Variants in NTRK2 observed in about 807,000 individuals in gnomAD.
NTRK2 encodes the protein BDNF/NT-3 growth factors receptor.
In NTRK2, 13 loss-of-function variants were observed where a neutral mutation model predicts 94.5. The ratio of observed to expected loss-of-function variants is 0.14; its 90% CI spans 0.09 to 0.22. The LOEUF (loss-of-function observed/expected upper bound fraction) is 0.22, where lower values mean the gene tolerates loss of function less well. Among genes scored for constraint, NTRK2 ranks in the 10% least tolerant of loss-of-function variants. NTRK2 has a pLI of 1.00. For missense variants in NTRK2, 639 were observed against 1,071.2 expected, an observed-to-expected ratio of 0.60 and a Z score of 5.63; for synonymous variants, 372 against 407.4, an observed-to-expected ratio of 0.91 and a Z score of 1.05.
At chr9:84,845,072 T>G (rs774717277) in intron 12 of NTRK2, among the ~76,000 whole-genome samples, 1 of 152,128 alleles carries the variant, frequency 6.6e-6, no homozygotes, top group Non-Finnish European at 1.5e-5. Flanking sequence ...GAACTAAAAG[T>G]AGAACTACCA....
At chr9:84,870,331 G>GTATATA (rs1158637577) in intron 14 of NTRK2, among the ~76,000 whole-genome samples, 1,893 of 31,146 alleles carry the variant, frequency 0.061, 134 homozygotes, top group Non-Finnish European at 0.094. Context: ...GTGTGTGTGT[G>GTATATA]TATATATATA....
intron 9 of NTRK2, among the ~76,000 whole-genome samples, chr9:84,737,702 T>C (rs941324942): frequency 6.6e-6 from 1 of 151,848 alleles, no homozygotes; most frequent in African/African-American, 2.4e-5. Context: ...CGTGGGTCTA[T>C]TATGTGATGC....
chr9:84,822,426 C>A (rs1406175964), intron 12 of NTRK2, among the ~76,000 whole-genome samples: 1 of 152,064 alleles, frequency 6.6e-6, no homozygotes, highest in Non-Finnish European at 1.5e-5. Flanking sequence ...ATAGATTTTA[C>A]CAAATGTGGG....
chr9:84,757,091 C>G (rs2065148813), intron 12 of NTRK2, among the ~76,000 whole-genome samples: 1 of 152,104 alleles, frequency 6.6e-6, no homozygotes, highest in African/African-American at 2.4e-5. Context: ...GACCAAAAGC[C>G]AGAAACACAG....
At chr9:84,886,819 G>A (rs982588888) in intron 14 of NTRK2, among the ~76,000 whole-genome samples, 1 of 152,132 alleles carries the variant, frequency 6.6e-6, no homozygotes, top group African/African-American at 2.4e-5. Context: ...TTTTCACTGG[G>A]TAATGTAAAA....
chr9:85,000,953 T>C (rs968208635), intron 17 of NTRK2, among the ~76,000 whole-genome samples: 1 of 152,244 alleles, frequency 6.6e-6, no homozygotes, highest in African/African-American at 2.4e-5. Flanking sequence ...ATTTTAGCCA[T>C]TCTAATAGGC....
chr9:85,019,207 C>T (rs72739967), intron 17 of NTRK2, among the ~76,000 whole-genome samples: 23,080 of 152,166 alleles, frequency 0.15, 1,985 homozygotes, highest in Admixed American at 0.25. Flanking sequence ...TGCACCATTA[C>T]TCTATAAACT....
chr9:84,783,915 A>G (rs2067866467), intron 12 of NTRK2, among the ~76,000 whole-genome samples: 1 of 152,160 alleles, frequency 6.6e-6, no homozygotes, highest in Admixed American at 6.5e-5. Flanking sequence ...AGTGTATGCT[A>G]TAGAAAGAAG....
chr9:84,837,900 G>A (rs2073966322), intron 12 of NTRK2, among the ~76,000 whole-genome samples: 1 of 152,092 alleles, frequency 6.6e-6, no homozygotes, highest in Admixed American at 6.6e-5. Flanking sequence ...AATATCTGAA[G>A]CAACACAAGA....
intron 12 of NTRK2, among the ~76,000 whole-genome samples, chr9:84,833,901 G>A (rs951353152): frequency 4.6e-5 from 7 of 152,140 alleles, no homozygotes; most frequent in African/African-American, 1.7e-4. Context: ...AAGTTCCCTG[G>A]GTGATTCCAC....
chr9:84,933,791 C>G (rs2078120886), intron 14 of NTRK2, among the ~76,000 whole-genome samples: 1 of 152,218 alleles, frequency 6.6e-6, no homozygotes, highest in African/African-American at 2.4e-5. Flanking sequence ...CTGCTTTGCC[C>G]TGCTGGACAC....
intron 12 of NTRK2, among the ~76,000 whole-genome samples, chr9:84,793,382 G>A (rs562457971): frequency 9.2e-5 from 14 of 152,128 alleles, no homozygotes; most frequent in Admixed American, 7.2e-4. Flanking sequence ...GATTGCTGTC[G>A]GCATAACCTA....
chr9:84,786,486 G>C (rs2068124471), intron 12 of NTRK2, among the ~76,000 whole-genome samples: 1 of 152,022 alleles, frequency 6.6e-6, no homozygotes, highest in Non-Finnish European at 1.5e-5. Context: ...CTTTGTTCTT[G>C]TTGTTATTTT....
At chr9:84,737,215 T>G (rs2132235386) in intron 9 of NTRK2, among the ~76,000 whole-genome samples, 1 of 152,336 alleles carries the variant, frequency 6.6e-6, no homozygotes, top group Middle Eastern at 3.4e-3. Flanking sequence ...TTTATCTTGT[T>G]AGCAGAATGG....
At chr9:84,985,918 G>T (rs897486740) in intron 17 of NTRK2, among the ~76,000 whole-genome samples, 5 of 152,112 alleles carry the variant, frequency 3.3e-5, no homozygotes, top group Non-Finnish European at 7.4e-5. Flanking sequence ...ATGAGGAGAG[G>T]GTGTGGGAAG....
intron 12 of NTRK2, among the ~76,000 whole-genome samples, chr9:84,836,001 A>G (rs967934733): frequency 2.6e-5 from 4 of 152,168 alleles, no homozygotes; most frequent in Admixed American, 2.6e-4. Context: ...GTGCCAAGGC[A>G]TAATGCTAGA....
At chr9:84,979,193 G>A (rs1827273629) in intron 17 of NTRK2, among the ~76,000 whole-genome samples, 1 of 152,230 alleles carries the variant, frequency 6.6e-6, no homozygotes, top group Non-Finnish European at 1.5e-5. Context: ...TGATTCTTCT[G>A]ATGGCTCTGG....
At chr9:84,775,272 C>T (rs1160305091) in intron 12 of NTRK2, among the ~76,000 whole-genome samples, 1 of 152,198 alleles carries the variant, frequency 6.6e-6, no homozygotes, top group African/African-American at 2.4e-5. Flanking sequence ...TTCCTTGGCT[C>T]CCACAGCAAG....
intron 15 of NTRK2, among the ~76,000 whole-genome samples, chr9:84,940,864 A>G (rs1387461719): frequency 6.6e-6 from 1 of 152,130 alleles, no homozygotes; most frequent in Non-Finnish European, 1.5e-5. Context: ...GACAGTCATC[A>G]TATCACTTTT....
Sources: allele counts gnomAD v4.1 joint callset (sites outside exome capture counted in the v4.1 genomes callset), GRCh38; gene constraint gnomAD v4.1.1; transcripts MANE v1.5; gene names NCBI Gene and HGNC (gene_info 2026-07-23, HGNC 2026-07-21).